RCCD1: variants seen among roughly 807,000 people sequenced by gnomAD.
RCCD1 encodes RCC1 domain-containing protein 1.
A neutral mutation model predicts 37.6 loss-of-function variants in RCCD1; 40 were observed. The observed-to-expected ratio is 1.06, with a 90% CI of 0.83 to 1.39. The LOEUF (loss-of-function observed/expected upper bound fraction) is 1.39. Among genes scored for constraint, RCCD1 ranks in the 40% most tolerant of loss-of-function variants. RCCD1 has a pLI of 0.00. For synonymous variants in RCCD1, 263 were observed against 230.0 expected, an observed-to-expected ratio of 1.14 and a Z score of -1.30; for missense variants, 577 against 517.3, an observed-to-expected ratio of 1.12 and a Z score of -1.12.
At position 90,957,153 on chromosome 15, in the gene RCCD1, G is replaced by A. The variant is rs1165275169; in HGVS notation, c.207G>A (p.Ala69=). The change falls in exon 3 of 8, where the codon GCG becomes GCA. Residue 69 remains alanine (A), a synonymous_variant. Coordinates refer to ENST00000394258, the MANE Select transcript of RCCD1 (RefSeq NM_001017919.2). ...RLELSGSASG[A]AGRCKDAWAS... The stretch of plus-strand genomic sequence containing the variant: ...AGCTGTCGGGCTCAGCCAGCGGCGC[G>A]GCGGGCCGCTGCAAGGACGCGTGGG... 1.5e-5 allele frequency: 20 copies of A among 1,362,372 alleles called. No homozygotes were observed. The highest frequency in any genetic ancestry group is 1.8e-5 in the Non-Finnish European group (19 of 1,064,250). 84.4% of individuals were successfully genotyped at this position (1,362,372 alleles called of 1,614,324 possible). A position where few individuals can be genotyped will look rare whatever the true frequency, so the allele number is the denominator to read the frequency against.
intron 4 of RCCD1, among the ~76,000 whole-genome samples, chr15:90,958,912 T>A (rs1187009382): frequency 7.3e-6 from 1 of 137,582 alleles, no homozygotes; most frequent in Non-Finnish European, 1.5e-5. Context: ...CCAGTCTGAG[T>A]GACAGAGTGA....
At chr15:90,960,173 G>A (rs2037285377) in intron 5 of RCCD1, 155 bp from the exon 6 acceptor site, 2 of 944,468 alleles carry the variant, frequency 2.1e-6, no homozygotes, top group Non-Finnish European at 1.6e-6. Flanking sequence ...TTGTGCAGCA[G>A]TGCCAGCCCT....
In RCCD1 at chr15:90,956,791, GGA is replaced by G; in HGVS notation, c.59_60del (p.Glu20AlafsTer108). Reference protein sequence around the residue: ...FGFGFCGFGQELGSGRGRQVH... With the variant: ...FGFGFCGFGQXLGSGRGRQVH... ...GCTTCGGTTTCTGCGGCTTCGGGCA[GGA>G]GCTGGGCTCCGGACGCGGGCGCCAG... On this transcript the variant is annotated frameshift_variant, in exon 2 of 8. Transcript: ENST00000394258. LOFTEE classifies it high-confidence loss of function. 1 of 1,322,918 alleles carries G rather than the reference GGA, an allele frequency of 7.6e-7. No individual in the cohort carries two copies. Among genetic ancestry groups the G allele is most frequent in the Non-Finnish European group, 9.7e-7 (1 of 1,036,002 alleles). The allele number at this position is 1,322,918 out of a possible 1,614,324, so 81.9% of individuals were successfully genotyped here. A position where few individuals can be genotyped will look rare whatever the true frequency, so the allele number is the denominator to read the frequency against.
At chr15:90,959,835 A>C in intron 4 of RCCD1, 65 bp from the exon 5 acceptor site, 1 of 1,262,048 alleles carries the variant, frequency 7.9e-7, no homozygotes, top group Non-Finnish European at 1.1e-6. Flanking sequence ...TGCGATGGGG[A>C]GGAGAGTTTG....
rs769751050 is a variant in RCCD1 at position 90,961,946 on chromosome 15, ACT to A, written c.*180_*181del. 156 of 482,304 alleles carry A rather than the reference ACT, an allele frequency of 3.2e-4. No individual in the cohort carries two copies. Among genetic ancestry groups the A allele is most frequent in the Non-Finnish European group, 4.7e-4 (130 of 276,260 alleles). The allele number at this position is 482,304 out of a possible 1,614,324, so 29.9% of individuals were successfully genotyped here. ...TAGAAACACCTGGAGAGCATTGAAAACTCTGCTGCCTAAGGTCAGCATCAATC... is the reference window on the plus strand; with the variant it reads ...TAGAAACACCTGGAGAGCATTGAAAACTGCTGCCTAAGGTCAGCATCAATC... On this transcript the variant is annotated 3_prime_UTR_variant, in exon 8 of 8. Coordinates refer to ENST00000394258, the MANE Select transcript of RCCD1 (RefSeq NM_001017919.2).
At chr15:90,957,848 C>A in intron 4 of RCCD1, 123 bp downstream of exon 4, 1 of 1,299,628 alleles carries the variant, frequency 7.7e-7, no homozygotes, top group Non-Finnish European at 1.1e-6. Context: ...ATCGCCCAGT[C>A]AGTTATGACT....
intron 5 of RCCD1, 135 bp downstream of exon 5, chr15:90,960,133 A>T: frequency 1.1e-6 from 1 of 929,082 alleles, no homozygotes; most frequent in Non-Finnish European, 1.6e-6. Context: ...GAGCATTGGC[A>T]AGGCTGATGC....
chr15:90,958,953 CA>C (rs5814449), intron 4 of RCCD1, among the ~76,000 whole-genome samples: 70,207 of 134,538 alleles, frequency 0.52, 20,717 homozygotes, highest in East Asian at 0.99. Context: ...AAAAAAAAAA[CA>C]AAAAAAAAAA....
intron 7 of RCCD1, 185 bp downstream of exon 7, chr15:90,961,239 C>G (rs1379966439): frequency 3.2e-6 from 2 of 619,096 alleles, no homozygotes; most frequent in Non-Finnish European, 5.7e-6. Flanking sequence ...CGAGGCCAGA[C>G]AGGGGAGACA....
intron 7 of RCCD1, 171 bp from the exon 8 acceptor site, chr15:90,961,447 G>A (rs1055585175): frequency 1.7e-4 from 119 of 688,290 alleles, no homozygotes; most frequent in Non-Finnish European, 5.0e-5. Context: ...GTGGCTGGTC[G>A]CCACTAGCCT....
chr15:90,958,263 AGAT>A, intron 4 of RCCD1, among the ~76,000 whole-genome samples: 1 of 152,296 alleles, frequency 6.6e-6, no homozygotes, highest in Middle Eastern at 3.4e-3. Context: ...GGCTGGGAAC[AGAT>A]GATCTTTGTC....
At chr15:90,957,840 C>T in intron 4 of RCCD1, 115 bp downstream of exon 4, 1 of 1,391,456 alleles carries the variant, frequency 7.2e-7, no homozygotes. Flanking sequence ...ATCCATCCAT[C>T]GCCCAGTCAG....
chr15:90,956,955 C>G, intron 2 of RCCD1, 55 bp downstream of exon 2: 1 of 1,269,972 alleles, frequency 7.9e-7, no homozygotes, highest in Non-Finnish European at 9.9e-7. Context: ...CCAGTCGCCT[C>G]CCCGCACCGC....
chr15:90,957,437 A>AGCTGGGCGCCGAGCACGCGTTGCT lies in RCCD1; in HGVS notation c.497_520dup (p.Gly166_Leu173dup). The AGCTGGGCGCCGAGCACGCGTTGCT allele has an allele frequency of 6.5e-7, 1 of 1,538,730 alleles. No individual in the cohort carries two copies. Among genetic ancestry groups the AGCTGGGCGCCGAGCACGCGTTGCT allele is most frequent in the South Asian group, 1.2e-5 (1 of 84,186 alleles). On this transcript the variant is annotated inframe_insertion, in exon 3 of 8. Transcript: ENST00000394258. ...CCGGAGCTGCGGGCACGCCAGCTGG[A>AGCTGGGCGCCGAGCACGCGTTGCT]GCTGGGCGCCGAGCACGCGTTGCTG...
chr15:90,958,948 A>C (rs1443316831), intron 4 of RCCD1, among the ~76,000 whole-genome samples: 7 of 102,278 alleles, frequency 6.8e-5, no homozygotes, highest in African/African-American at 2.4e-4. Context: ...AAAAAAAAAA[A>C]AAAACAAAAA....
rs1346138525 is a variant in RCCD1, at chr15:90,961,600, G to T, written c.980-18G>T. The stretch of plus-strand genomic sequence containing the variant: ...AGACCCAGTGGAGACGATGGCAAAG[G>T]GGCTGATTTCACTTTAGGTAAATAT... On this transcript the variant is annotated intron_variant, in intron 7 of 7. Coordinates refer to ENST00000394258, the MANE Select transcript of RCCD1 (RefSeq NM_001017919.2). 2.5e-6 allele frequency: 4 copies of T among 1,607,106 alleles called. No individual in the cohort carries two copies.
chr15:90,962,736 C>T lies in RCCD1; in HGVS notation c.*967C>T, dbSNP rs1269209654. On this transcript the variant is annotated 3_prime_UTR_variant, in exon 8 of 8. Coordinates refer to ENST00000394258, the MANE Select transcript of RCCD1 (RefSeq NM_001017919.2). Reference sequence around the variant, plus strand: ...GTTTTTCTGTTGTCAAGTGCCTGTTCAAGTTTTCTGGCCTTTTAAAATGTT... The same window carrying T: ...GTTTTTCTGTTGTCAAGTGCCTGTTTAAGTTTTCTGGCCTTTTAAAATGTT... 2 of 152,176 alleles carry T rather than the reference C, an allele frequency of 1.3e-5. No individual in the cohort carries two copies. Among genetic ancestry groups the T allele is most frequent in the Admixed American group, 6.5e-5 (1 of 15,268 alleles). 9.4% of individuals were successfully genotyped at this position (152,176 alleles called of 1,614,324 possible).
chr15:90,957,222 G>A lies in RCCD1; in HGVS notation c.276G>A (p.Pro92=), dbSNP rs11554300. Residue 92 remains proline, a synonymous_variant, in exon 3 of 8, where the codon CCG becomes CCA. Coordinates refer to ENST00000394258, the MANE Select transcript of RCCD1 (RefSeq NM_001017919.2). ...LLAVLRAGPG[P]EALLQVWAAE... The stretch of plus-strand genomic sequence containing the variant: ...CGGTGCTGCGCGCCGGGCCGGGGCC[G>A]GAGGCGTTACTGCAGGTCTGGGCGG... 0.011 allele frequency: 15,493 copies of A among 1,422,196 alleles called. 1,107 individuals are homozygous for A. The African/African-American group carries it at 0.18, about 16-fold the overall frequency. The allele number at this position is 1,422,196 out of a possible 1,614,324, so 88.1% of individuals were successfully genotyped here.
Position 90,960,448 on chromosome 15 carries a change from C to T in RCCD1, c.899C>T (p.Ser300Leu). The T allele has an allele frequency of 1.9e-6, 3 of 1,613,050 alleles. No individual in the cohort carries two copies. Among genetic ancestry groups the T allele is most frequent in the Non-Finnish European group, 2.5e-6 (3 of 1,179,998 alleles). Residue 300 changes from serine (S) to leucine (L), a missense_variant, in exon 6 of 8, where the codon TCA becomes TTA. By Grantham distance (145) the Ser-to-Leu change is moderately radical (BLOSUM62 -2). Coordinates refer to ENST00000394258, the MANE Select transcript of RCCD1 (RefSeq NM_001017919.2). ...FPALLDLPMG[S>L]DAVKASCGSR... is the part of the protein sequence containing the mutation. ...GCATTACTGGATCTCCCCATGGGCT[C>T]AGATGCAGTCAAGGCCAGCTGTGGA...
Sources: gnomAD v4.1 joint callset for allele counts (sites outside exome capture counted in the v4.1 genomes callset) on GRCh38, gnomAD v4.1.1 for gene constraint, MANE v1.5 for transcripts, NCBI Gene and HGNC (gene_info 2026-07-23, HGNC 2026-07-21) for gene names.